Variants in KLHL29 observed in about 807,000 individuals in gnomAD.
The protein encoded by KLHL29 is kelch like family member 29, also known as kelch-like protein 29.
In KLHL29, 21 loss-of-function variants were observed where a neutral mutation model predicts 80.4. The observed-to-expected ratio is 0.26, with a 90% CI of 0.19 to 0.38. The LOEUF (loss-of-function observed/expected upper bound fraction) is 0.38. Among genes scored for constraint, KLHL29 ranks in the 10% least tolerant of loss-of-function variants. The probability of loss-of-function intolerance (pLI) is 1.00; values close to 1 mark genes in which losing one functional copy is unlikely to be tolerated. For missense variants in KLHL29, 867 were observed against 1,223.9 expected (o/e 0.71, Z 4.35); for synonymous variants, 511 against 526.8 (o/e 0.97, Z 0.41).
At chr2:23,451,518 T>C (rs2103421809) in intron 1 of KLHL29, among the ~76,000 whole-genome samples, 1 of 152,242 alleles carries the variant, frequency 6.6e-6, no homozygotes, top group African/African-American at 2.4e-5. Flanking sequence ...CTCACCCAAG[T>C]CTAGAGCCTC....
chr2:23,697,294 ACAG>A lies in KLHL29; in HGVS notation c.2105+782_2105+784del, dbSNP rs2149215367. Reference sequence around the variant, plus strand: ...TGAGCCAGGGAGACTGTTCTTTCTTACAGAGAACAGATGCCTGGGGGAAAAGCT... The same window carrying A: ...TGAGCCAGGGAGACTGTTCTTTCTTAAGAACAGATGCCTGGGGGAAAAGCT... On this transcript the variant is annotated intron_variant, in intron 11 of 13. Transcript: ENST00000486442. 4 of 152,338 alleles carry A rather than the reference ACAG, an allele frequency of 2.6e-5. No individual in the cohort carries two copies. In the South Asian group the frequency reaches 8.3e-4, roughly 32 times the overall value. The allele number at this position is 152,338 out of a possible 1,614,324, so 9.4% of individuals were successfully genotyped here. A position where few individuals can be genotyped will look rare whatever the true frequency, so the allele number is the denominator to read the frequency against.
At chr2:23,603,598 A>T (rs1668628649) in intron 3 of KLHL29, among the ~76,000 whole-genome samples, 1 of 152,194 alleles carries the variant, frequency 6.6e-6, no homozygotes, top group South Asian at 2.1e-4. Flanking sequence ...CTGATTTTCT[A>T]AAAGAGGGAG....
chr2:23,600,251 CG>C (rs1668536139), intron 3 of KLHL29, among the ~76,000 whole-genome samples: 1 of 152,120 alleles, frequency 6.6e-6, no homozygotes, highest in Non-Finnish European at 1.5e-5. Context: ...TCTAAGCCTC[CG>C]GATGGAAGGG....
chr2:23,643,354 A>T, intron 5 of KLHL29: 1 of 248,262 alleles, frequency 4.0e-6, no homozygotes, highest in Non-Finnish European at 8.1e-6. Flanking sequence ...CAATTTAGTT[A>T]GGCCCAAGAG....
chr2:23,501,574 T>C (rs1572360112), intron 2 of KLHL29, among the ~76,000 whole-genome samples: 1 of 152,190 alleles, frequency 6.6e-6, no homozygotes, highest in African/African-American at 2.4e-5. Context: ...TGGAGTTCTT[T>C]GTTCACTCAG....
intron 2 of KLHL29, among the ~76,000 whole-genome samples, chr2:23,528,428 G>A (rs1421974175): frequency 5.9e-5 from 9 of 152,162 alleles, no homozygotes; most frequent in Admixed American, 3.9e-4. Context: ...CACTCTCCGT[G>A]TGGTTCAACA....
chr2:23,702,300 C>T (rs925203317), intron 11 of KLHL29, among the ~76,000 whole-genome samples: 1 of 152,216 alleles, frequency 6.6e-6, no homozygotes. Context: ...TTACCTTAAA[C>T]ATGCTCTGAA....
In KLHL29 at chr2:23,700,345, A is replaced by G. The variant is rs1672285556; in HGVS notation, c.2106-2841A>G. 6.6e-6 allele frequency among the ~76,000 whole-genome samples: 1 copy of G among 152,250 alleles called. No homozygotes were observed. Among genetic ancestry groups the G allele is most frequent in the Non-Finnish European group, 1.5e-5 (1 of 68,046 alleles). The stretch of plus-strand genomic sequence containing the variant: ...TTAAAAATTATATACACATATTAAA[A>G]ACAAAGGTAATCCATACTCAAAATT... On this transcript the variant is annotated intron_variant, in intron 11 of 13. Coordinates refer to ENST00000486442, the MANE Select transcript of KLHL29 (RefSeq NM_052920.2). This position sits in a 1 kb window ranked among gnomAD's most constrained non-coding sequence, Gnocchi z 4.6.
Position 23,698,365 on chromosome 2 carries a change from A to C in KLHL29, c.2105+1852A>C, listed in dbSNP as rs148627860. On this transcript the variant is annotated intron_variant, in intron 11 of 13. Coordinates refer to ENST00000486442, the MANE Select transcript of KLHL29 (RefSeq NM_052920.2). ...TGGGTTGGAGGGTGCAGGGGAAGGA[A>C]CGCTCACTGCTTTCCAAGAAGTGTA... 2.0e-3 allele frequency among the ~76,000 whole-genome samples: 301 copies of C among 152,306 alleles called. 3 individuals carry two copies. Among genetic ancestry groups the C allele is most frequent in the African/African-American group, 7.0e-3 (293 of 41,572 alleles).
intron 2 of KLHL29, among the ~76,000 whole-genome samples, chr2:23,527,020 G>A (rs1666346470): frequency 2.0e-5 from 3 of 152,154 alleles, no homozygotes; most frequent in Admixed American, 2.0e-4. Context: ...TCCTGCGTTG[G>A]TGGACATGTG....
chr2:23,695,473 CCT>C lies in KLHL29; in HGVS notation c.1543-147_1543-146del. 1 of 635,638 alleles carries C rather than the reference CCT, an allele frequency of 1.6e-6. No individual in the cohort carries two copies. The highest frequency in any genetic ancestry group is 2.7e-6 in the Non-Finnish European group (1 of 376,934). The allele number at this position is 635,638 out of a possible 1,614,324, so 39.4% of individuals were successfully genotyped here. A position where few individuals can be genotyped will look rare whatever the true frequency, so the allele number is the denominator to read the frequency against. On this transcript the variant is annotated intron_variant, in intron 8 of 13. Coordinates refer to ENST00000486442, the MANE Select transcript of KLHL29 (RefSeq NM_052920.2). The surrounding 1 kb of genome is among the most constrained non-coding windows in gnomAD (Gnocchi z 7.6). ...CTCCAGCTGACTAGACTTCCCTTCA[CCT>C]CTGTCTAGGCTAGCAGAGTATCTAC...
At chr2:23,579,130 C>T (rs756956438) in intron 3 of KLHL29, among the ~76,000 whole-genome samples, 17 of 152,318 alleles carry the variant, frequency 1.1e-4, no homozygotes, top group Admixed American at 3.9e-4. Context: ...TGTGGAGGGC[C>T]AGGCCCTGTG....
rs55790582 is a variant in KLHL29 at position 23,408,263 on chromosome 2, TAAAAAAAAAAAAAAAAAAAAAAAAAA to T, written c.-154+22496_-154+22521del. Among the ~76,000 whole-genome samples, 3 of 52,678 alleles carry T rather than the reference TAAAAAAAAAAAAAAAAAAAAAAAAAA, an allele frequency of 5.7e-5. No individual in the cohort carries two copies. In the Admixed American group the frequency reaches 1.1e-3, roughly 20 times the overall value. 34.6% of individuals were successfully genotyped at this position (52,678 alleles called of 152,430 possible). ...GAGGAAATTTAGAAGCATTTCACGC[TAAAAAAAAAAAAAAAAAAAAAAAAAA>T]AAAAAAAAAAAATTGAGTTTTTTTT... is the stretch of plus-strand genomic sequence containing the variant. On this transcript the variant is annotated intron_variant, in intron 1 of 13. Coordinates refer to ENST00000486442, the MANE Select transcript of KLHL29 (RefSeq NM_052920.2).
chr2:23,661,575 A>C (rs1471570788), intron 5 of KLHL29, among the ~76,000 whole-genome samples: 1 of 152,162 alleles, frequency 6.6e-6, no homozygotes, highest in Non-Finnish European at 1.5e-5. Flanking sequence ...AGGGAACAAG[A>C]GTATGTAATC....
intron 1 of KLHL29, among the ~76,000 whole-genome samples, chr2:23,471,853 A>G (rs1166462868): frequency 1.3e-5 from 2 of 152,188 alleles, no homozygotes; most frequent in African/African-American, 2.4e-5. Context: ...TTCCCAGGCC[A>G]TGATCTTTGG....
intron 1 of KLHL29, among the ~76,000 whole-genome samples, chr2:23,470,727 G>A (rs530026822): frequency 1.5e-4 from 23 of 152,272 alleles, no homozygotes; most frequent in African/African-American, 5.5e-4. Flanking sequence ...GGCCAATTGT[G>A]GCTCCTTAAT....
intron 3 of KLHL29, among the ~76,000 whole-genome samples, chr2:23,597,690 G>T (rs1668463840): frequency 6.6e-6 from 1 of 151,984 alleles, no homozygotes; most frequent in South Asian, 2.1e-4. Context: ...CTCCCAAAGT[G>T]CTGGGATTAC....
chr2:23,606,218 CAGAG>C (rs1429252620), intron 3 of KLHL29, among the ~76,000 whole-genome samples: 1 of 144,052 alleles, frequency 6.9e-6, no homozygotes, highest in Non-Finnish European at 1.5e-5. Context: ...GAGAGAGAGG[CAGAG>C]AGAGAGAGAA....
At chr2:23,611,791 A>G (rs1668876535) in intron 3 of KLHL29, among the ~76,000 whole-genome samples, 1 of 152,172 alleles carries the variant, frequency 6.6e-6, no homozygotes. Flanking sequence ...TCAGCAGAGA[A>G]CCAGAAACTA....
Sources: allele counts gnomAD v4.1 joint callset (sites outside exome capture counted in the v4.1 genomes callset), GRCh38; gene constraint gnomAD v4.1.1; non-coding constraint Gnocchi (gnomAD v3.1); transcripts MANE v1.5; gene names NCBI Gene and HGNC (gene_info 2026-07-23, HGNC 2026-07-21).